Variants in UGT1A8 observed in about 807,000 individuals in gnomAD.
UGT1A8 encodes UDP-glucuronosyltransferase 1A8.
In UGT1A8, 39 loss-of-function variants were observed where a neutral mutation model predicts 45.3. The observed-to-expected ratio is 0.86, with a 90% CI of 0.67 to 1.12. UGT1A8 has a LOEUF of 1.12. Ranked by LOEUF, UGT1A8 falls within the 50% of genes most tolerant of loss-of-function variation. The pLI is 0.00. For missense variants in UGT1A8, 719 were observed against 664.9 expected, an observed-to-expected ratio of 1.08 and a Z score of -0.90; for synonymous variants, 275 against 249.2, an observed-to-expected ratio of 1.10 and a Z score of -0.97.
chr2:233,658,496 C>A, intron 1 of UGT1A8, among the ~76,000 whole-genome samples: 1 of 152,182 alleles, frequency 6.6e-6, no homozygotes. Context: ...TAGCCCATCA[C>A]GCCCCCTTCA....
intron 1 of UGT1A8, among the ~76,000 whole-genome samples, chr2:233,683,052 C>T (rs1345469025): frequency 6.6e-6 from 1 of 151,670 alleles, no homozygotes; most frequent in Non-Finnish European, 1.5e-5. Context: ...TGGAAAAATA[C>T]AAAAAAACCA....
rs34459843 is a variant in UGT1A8 at position 233,690,776 on chromosome 2, TACACACACAC to T, written c.855+72229_855+72238del. ...GTGCAGACATACACACACACACACA[TACACACACAC>T]ACACACACACACACCATTCTTAGTA... On this transcript the variant is annotated intron_variant, in intron 1 of 4. Transcript: ENST00000373450. 189 of 1,063,532 alleles carry T rather than the reference TACACACACAC, an allele frequency of 1.8e-4. 1 individual carries two copies. The African/African-American group carries it at 2.4e-3, about 13-fold the overall frequency. 65.9% of individuals were successfully genotyped at this position (1,063,532 alleles called of 1,614,324 possible).
At chr2:233,641,556 T>G (rs1248216665) in intron 1 of UGT1A8, among the ~76,000 whole-genome samples, 4 of 152,226 alleles carry the variant, frequency 2.6e-5, no homozygotes, top group Non-Finnish European at 5.9e-5. Flanking sequence ...ACAGTTACAA[T>G]GTTATAATAT....
rs200190624 is a variant in UGT1A8, at chr2:233,682,051, G to A, written c.855+63489G>A. ...TAGTGCCCATGGATGGGAGCCACTG[G>A]TTCACCATGCAGTCGGTGGTGGAGA... On this transcript the variant is annotated intron_variant, in intron 1 of 4. Transcript: ENST00000373450. 1.1e-5 allele frequency: 18 copies of A among 1,614,102 alleles called. No individual in the cohort carries two copies. In the African/African-American group the frequency reaches 2.3e-4, roughly 20 times the overall value.
At chr2:233,627,656 C>CCTTT (rs1460896035) in intron 1 of UGT1A8, among the ~76,000 whole-genome samples, 8 of 149,398 alleles carry the variant, frequency 5.4e-5, no homozygotes, top group Non-Finnish European at 8.9e-5. Context: ...TTCCTTCCTT[C>CCTTT]CTTCCTTCCT....
At chr2:233,690,386 C>T in intron 1 of UGT1A8, 1 of 1,067,022 alleles carries the variant, frequency 9.4e-7, no homozygotes, top group Admixed American at 2.6e-5. Context: ...TCCACGTTTC[C>T]AGACCTTCCT....
chr2:233,747,613 A>T, intron 1 of UGT1A8: 1 of 1,574,722 alleles, frequency 6.4e-7, no homozygotes, highest in Non-Finnish European at 8.7e-7. Context: ...CTACTGCATA[A>T]TGAGGCCCTG....
intron 1 of UGT1A8, among the ~76,000 whole-genome samples, chr2:233,766,597 G>A (rs1228112720): frequency 6.6e-6 from 1 of 152,126 alleles, no homozygotes; most frequent in Non-Finnish European, 1.5e-5. Flanking sequence ...CCTCGCCAGG[G>A]ACCACACCCT....
At chr2:233,646,120 A>G (rs1039586636) in intron 1 of UGT1A8, among the ~76,000 whole-genome samples, 8 of 152,178 alleles carry the variant, frequency 5.3e-5, no homozygotes, top group African/African-American at 1.7e-4. Context: ...CGGCACTTGC[A>G]CCTTCTGAAG....
rs780552187 is a variant in UGT1A8, at chr2:233,682,061, C to T, written c.855+63499C>T. 10 of 1,613,980 alleles carry T rather than the reference C, an allele frequency of 6.2e-6. No homozygotes were observed. In the African/African-American group the frequency reaches 1.1e-4, roughly 17 times the overall value. Reference sequence around the variant, plus strand: ...GGATGGGAGCCACTGGTTCACCATGCAGTCGGTGGTGGAGAAACTCATCCT... The same window carrying T: ...GGATGGGAGCCACTGGTTCACCATGTAGTCGGTGGTGGAGAAACTCATCCT... On this transcript the variant is annotated intron_variant, in intron 1 of 4. Coordinates refer to ENST00000373450, the MANE Select transcript of UGT1A8 (RefSeq NM_019076.5).
At chr2:233,619,225 C>A (rs1398363080) in intron 1 of UGT1A8, among the ~76,000 whole-genome samples, 2 of 152,018 alleles carry the variant, frequency 1.3e-5, no homozygotes, top group African/African-American at 4.8e-5. Context: ...TTTTTATTTG[C>A]CAATAAATTG....
intron 1 of UGT1A8, among the ~76,000 whole-genome samples, chr2:233,628,100 A>G (rs2073124106): frequency 6.6e-6 from 1 of 152,122 alleles, no homozygotes; most frequent in Non-Finnish European, 1.5e-5. Context: ...AATTTTATGC[A>G]GTTAAGATTT....
chr2:233,724,460 G>T (rs551187141), intron 1 of UGT1A8, among the ~76,000 whole-genome samples: 1 of 114,598 alleles, frequency 8.7e-6, no homozygotes, highest in Non-Finnish European at 1.8e-5. Flanking sequence ...GCTGCCGGGC[G>T]GAGGGGCTCC....
intron 1 of UGT1A8, among the ~76,000 whole-genome samples, chr2:233,740,479 C>T (rs1387993286): frequency 6.6e-6 from 1 of 151,850 alleles, no homozygotes; most frequent in East Asian, 1.9e-4. Context: ...AGGATCATTC[C>T]CTCTTCCAGA....
At chr2:233,648,157 C>G in intron 1 of UGT1A8, 1 of 1,155,184 alleles carries the variant, frequency 8.7e-7, no homozygotes, top group Non-Finnish European at 1.2e-6. Flanking sequence ...CTTATTTTCT[C>G]TATTAATGAG....
rs910583774 is a variant in UGT1A8 at position 233,730,144 on chromosome 2, T to G, written c.856-36890T>G. The G allele has an allele frequency of 2.1e-5, 31 of 1,508,278 alleles. No individual in the cohort carries two copies. In the East Asian group the frequency reaches 2.9e-4, roughly 14 times the overall value. 93.4% of individuals were successfully genotyped at this position (1,508,278 alleles called of 1,614,324 possible). On this transcript the variant is annotated intron_variant, in intron 1 of 4. Transcript: ENST00000373450. ...CATAATAGCCTTCAGTGAGATAAAC[T>G]GTTAAGGGGTCTCTAGTAGCGTATT...
At chr2:233,760,785 G>A in intron 1 of UGT1A8, 1 of 1,613,686 alleles carries the variant, frequency 6.2e-7, no homozygotes. Context: ...ACCTGTCTCT[G>A]CCCACTGTAT....
At chr2:233,664,267 C>T (rs374588510) in intron 1 of UGT1A8, among the ~76,000 whole-genome samples, 1 of 152,198 alleles carries the variant, frequency 6.6e-6, no homozygotes, top group African/African-American at 2.4e-5. Flanking sequence ...CCTTCATCTT[C>T]CTGTCTTCTT....
Position 233,757,535 on chromosome 2 carries a change from A to AATATATATATATATATATATAT in UGT1A8, c.856-9494_856-9473dup, listed in dbSNP as rs67292694. Among the ~76,000 whole-genome samples, 69 of 88,256 alleles carry AATATATATATATATATATATAT rather than the reference A, an allele frequency of 7.8e-4. 1 individual carries two copies. Among genetic ancestry groups the AATATATATATATATATATATAT allele is most frequent in the South Asian group, 4.2e-3 (8 of 1,918 alleles). 57.9% of individuals were successfully genotyped at this position (88,256 alleles called of 152,430 possible). ...CAAAGCCAAAATCTTGCCTGTAAGG[A>AATATATATATATATATATATAT]ATATATATATATATATATATATATA... On this transcript the variant is annotated intron_variant, in intron 1 of 4. Transcript: ENST00000373450.
Sources: allele counts gnomAD v4.1 joint callset (sites outside exome capture counted in the v4.1 genomes callset), GRCh38; gene constraint gnomAD v4.1.1; transcripts MANE v1.5; gene names NCBI Gene and HGNC (gene_info 2026-07-23, HGNC 2026-07-21).